KPNA1: variants seen among roughly 807,000 people sequenced by gnomAD.
KPNA1 encodes importin subunit alpha-5.
In KPNA1, 10 loss-of-function variants were observed where a neutral mutation model predicts 70.5. That is an observed-to-expected ratio of 0.14 (90% CI 0.09 to 0.24). The LOEUF (loss-of-function observed/expected upper bound fraction) is 0.24. Among genes scored for constraint, KPNA1 ranks in the 10% least tolerant of loss-of-function variants. The pLI is 1.00. For missense variants in KPNA1, 397 were observed against 637.9 expected, an observed-to-expected ratio of 0.62 and a Z score of 4.07; for synonymous variants, 192 against 221.9, an observed-to-expected ratio of 0.87 and a Z score of 1.20.
chr3:122,452,853 G>A (rs1247565361), intron 6 of KPNA1, among the ~76,000 whole-genome samples: 2 of 151,376 alleles, frequency 1.3e-5, no homozygotes, highest in South Asian at 2.1e-4. Context: ...GAAAAAAAGA[G>A]ACAGAAAGAG....
chr3:122,461,235 A>C lies in KPNA1; in HGVS notation c.421T>G (p.Cys141Gly). The change falls in exon 5 of 14, where the codon TGT (cysteine) becomes GGT (glycine). Residue 141 changes from cysteine (C) to glycine (G), a missense_variant. By Grantham distance (159) the Cys-to-Gly change is radical (BLOSUM62 -3). Coordinates refer to ENST00000344337, the MANE Select transcript of KPNA1 (RefSeq NM_002264.4). ...AAAATTATTCGCACCTGCAGTGTAC[A>C]ATTCTCTTTTCGTTTGAGGAACTCC... Reference protein sequence around the residue: ...FVEFLKRKENCTLQFESAWVL... With the variant: ...FVEFLKRKENGTLQFESAWVL... 5 of 1,610,064 alleles carry C rather than the reference A, an allele frequency of 3.1e-6. No homozygotes were observed. The highest frequency in any genetic ancestry group is 4.2e-6 in the Non-Finnish European group (5 of 1,176,692).
chr3:122,514,238 C>T (rs1055754355), intron 1 of KPNA1, among the ~76,000 whole-genome samples: 49 of 152,258 alleles, frequency 3.2e-4, no homozygotes, highest in African/African-American at 1.1e-3. Context: ...CACCTCCCTC[C>T]GGGCCGCCGG....
intron 1 of KPNA1, among the ~76,000 whole-genome samples, chr3:122,512,527 G>C (rs1177812164): frequency 1.3e-5 from 2 of 152,310 alleles, no homozygotes; most frequent in African/African-American, 4.8e-5. Flanking sequence ...TTCGAGACCA[G>C]CCTGGGCAAG....
intron 5 of KPNA1, among the ~76,000 whole-genome samples, chr3:122,456,516 A>T (rs776320648): frequency 6.6e-6 from 1 of 152,188 alleles, no homozygotes; most frequent in Non-Finnish European, 1.5e-5. Flanking sequence ...TTAGAATTCT[A>T]ATTGGTGCCA....
At chr3:122,445,652 T>G (rs149059897) in intron 9 of KPNA1, among the ~76,000 whole-genome samples, 1 of 152,162 alleles carries the variant, frequency 6.6e-6, no homozygotes, top group Non-Finnish European at 1.5e-5. Flanking sequence ...AATGATAAAA[T>G]GAAATTCACA....
intron 9 of KPNA1, among the ~76,000 whole-genome samples, chr3:122,447,009 G>C (rs570815118): frequency 1.3e-3 from 193 of 152,294 alleles, no homozygotes; most frequent in Non-Finnish European, 2.5e-3. Context: ...AACAGGCTCT[G>C]AAATTGAGGC....
At chr3:122,504,201 G>T (rs779911300) in intron 1 of KPNA1, among the ~76,000 whole-genome samples, 12 of 152,290 alleles carry the variant, frequency 7.9e-5, no homozygotes, top group Non-Finnish European at 1.6e-4. Flanking sequence ...ATAAACAATA[G>T]AAATTTATTT....
chr3:122,468,559 A>T (rs569989857), intron 2 of KPNA1, among the ~76,000 whole-genome samples: 115 of 152,344 alleles, frequency 7.5e-4, no homozygotes, highest in African/African-American at 2.7e-3. Flanking sequence ...ATCAAGAAAA[A>T]ATTACAAGGC....
intron 5 of KPNA1, among the ~76,000 whole-genome samples, chr3:122,458,527 A>G (rs182295187): frequency 6.6e-6 from 1 of 152,344 alleles, no homozygotes; most frequent in East Asian, 1.9e-4. Context: ...TATGGAATGA[A>G]GAAATTAAGT....
rs2075819123 is a variant in KPNA1 at position 122,426,070 on chromosome 3, A to T, written c.*915T>A. 1 of 152,302 alleles carries T rather than the reference A, an allele frequency of 6.6e-6. No individual in the cohort carries two copies. Among genetic ancestry groups the T allele is most frequent in the African/African-American group, 2.4e-5 (1 of 41,450 alleles). 9.4% of individuals were successfully genotyped at this position (152,302 alleles called of 1,614,324 possible). On this transcript the variant is annotated 3_prime_UTR_variant, in exon 14 of 14. Transcript: ENST00000344337. ...ATGCAGAAACACAGCCCCTAGTTAC[A>T]CTGATTGCATTTGGGAAAATTGGAG...
chr3:122,482,062 TAAC>T (rs151152687), intron 2 of KPNA1, among the ~76,000 whole-genome samples: 2,839 of 152,340 alleles, frequency 0.019, 95 homozygotes, highest in African/African-American at 0.065. Flanking sequence ...ATGCATCACT[TAAC>T]AAGAGTCTGA....
At chr3:122,463,694 A>C (rs2076350745) in intron 4 of KPNA1, among the ~76,000 whole-genome samples, 1 of 152,188 alleles carries the variant, frequency 6.6e-6, no homozygotes, top group African/African-American at 2.4e-5. Flanking sequence ...ACTACTATTC[A>C]CTATAAAGTC....
intron 2 of KPNA1, among the ~76,000 whole-genome samples, chr3:122,486,453 T>C (rs543240676): frequency 2.0e-4 from 31 of 152,184 alleles, no homozygotes; most frequent in African/African-American, 7.0e-4. Flanking sequence ...TAGAGAAAAA[T>C]GTACTAAAAA....
intron 2 of KPNA1, among the ~76,000 whole-genome samples, chr3:122,486,935 C>A (rs2076636559): frequency 6.6e-6 from 1 of 152,152 alleles, no homozygotes; most frequent in Non-Finnish European, 1.5e-5. Context: ...GAAACCAACT[C>A]ATTATTCTGA....
chr3:122,435,560 T>C (rs1184378635), intron 11 of KPNA1, among the ~76,000 whole-genome samples: 1 of 152,172 alleles, frequency 6.6e-6, no homozygotes, highest in Non-Finnish European at 1.5e-5. Flanking sequence ...ATACAAGACA[T>C]TATTTGTTGC....
In KPNA1 at chr3:122,486,328, G is replaced by A. The variant is rs540962422; in HGVS notation, c.129+10109C>T. On this transcript the variant is annotated intron_variant, in intron 2 of 13. Transcript: ENST00000344337. ...GAACAATTCATACACAAAACAATAA[G>A]TGAATACCAAAATGATTAAACTGTG... Among the ~76,000 whole-genome samples the A allele has an allele frequency of 5.3e-5, 8 of 152,228 alleles. No individual in the cohort carries two copies. The East Asian group carries it at 1.5e-3, about 29-fold the overall frequency.
chr3:122,502,256 C>T (rs546738380), intron 1 of KPNA1, among the ~76,000 whole-genome samples: 1 of 152,178 alleles, frequency 6.6e-6, no homozygotes, highest in African/African-American at 2.4e-5. Context: ...CTGAGAGAGA[C>T]TGAATTGTGC....
At chr3:122,503,024 G>A (rs1432290674) in intron 1 of KPNA1, among the ~76,000 whole-genome samples, 1 of 152,030 alleles carries the variant, frequency 6.6e-6, no homozygotes, top group Non-Finnish European at 1.5e-5. Flanking sequence ...CTTGAGCCTG[G>A]GAGGTCAAGG....
At chr3:122,482,451 T>A (rs771601073) in intron 2 of KPNA1, among the ~76,000 whole-genome samples, 3 of 152,114 alleles carry the variant, frequency 2.0e-5, no homozygotes, top group Non-Finnish European at 4.4e-5. Context: ...ATAAAACAGA[T>A]AGGTCTGTTT....
Sources: gnomAD v4.1 joint callset for allele counts (sites outside exome capture counted in the v4.1 genomes callset) on GRCh38, gnomAD v4.1.1 for gene constraint, MANE v1.5 for transcripts, NCBI Gene and HGNC (gene_info 2026-07-23, HGNC 2026-07-21) for gene names.